The following CIROZ variants were observed in gnomAD, a reference collection of about 807,000 sequenced individuals.
CIROZ encodes ciliated left-right organizer protein containing ZP-N domains.
chr1:10,951,745 A>AAAAAAAAT, the CIROZ span, among the ~76,000 whole-genome samples: 108 of 119,168 alleles, frequency 9.1e-4, no homozygotes, highest in African/African-American at 3.4e-3. Context: ...AAAAAAAAAA[A>AAAAAAAAT]ATATATATAT....
At chr1:10,955,384 G>C in the CIROZ span, among the ~76,000 whole-genome samples, 6 of 151,934 alleles carry the variant, frequency 3.9e-5, no homozygotes, top group Non-Finnish European at 8.8e-5. Flanking sequence ...AAGAAGAGAA[G>C]AAAAAAAGAC....
chr1:10,947,885 T>G, the CIROZ span: 185 of 1,613,114 alleles, frequency 1.1e-4, no homozygotes, highest in Non-Finnish European at 8.5e-7. Flanking sequence ...TGGACGTGTG[T>G]GCAACCCCCC....
At chr1:10,948,033 ACTGCCAGGGGCG>A in the CIROZ span, 1 of 1,613,322 alleles carries the variant, frequency 6.2e-7, no homozygotes, top group South Asian at 1.1e-5. Context: ...CATAGGAAGA[ACTGCCAGGGGCG>A]CTGCCAGCCT....
chr1:10,948,696 G>C, the CIROZ span: 1 of 1,594,374 alleles, frequency 6.3e-7, no homozygotes, highest in Non-Finnish European at 8.6e-7. Flanking sequence ...GGGGAGCGTG[G>C]CTGGAGGTGT....
At chr1:10,951,567 G>A in the CIROZ span, among the ~76,000 whole-genome samples, 11,329 of 147,386 alleles carry the variant, frequency 0.077, 665 homozygotes, top group African/African-American at 0.17. Context: ...AAAAAAAAAA[G>A]TTTAAAAACT....
chr1:10,976,005 T>A, the CIROZ span: 1 of 640,494 alleles, frequency 1.6e-6, no homozygotes, highest in Non-Finnish European at 2.7e-6. Flanking sequence ...GTTGGGAGAA[T>A]GACAGCCTGA....
At chr1:10,949,598 G>T in the CIROZ span, 1 of 1,583,560 alleles carries the variant, frequency 6.3e-7, no homozygotes, top group South Asian at 1.2e-5. Flanking sequence ...GGAAACCATG[G>T]GCAGAGGATG....
chr1:10,965,906 GGCCTGT>G, the CIROZ span, among the ~76,000 whole-genome samples: 3 of 152,176 alleles, frequency 2.0e-5, no homozygotes, highest in African/African-American at 7.2e-5. Flanking sequence ...GCCCATAATG[GGCCTGT>G]GCAAGTGAGG....
At chr1:10,954,742 G>A in the CIROZ span, among the ~76,000 whole-genome samples, 1 of 152,150 alleles carries the variant, frequency 6.6e-6, no homozygotes, top group Non-Finnish European at 1.5e-5. Context: ...CTAAGATCAA[G>A]CAATTCTCCC....
chr1:10,956,978 G>T, the CIROZ span: 1 of 1,490,908 alleles, frequency 6.7e-7, no homozygotes, highest in South Asian at 1.2e-5. Context: ...ACCAGAATGT[G>T]ATGAAGTTGG....
At chr1:10,960,494 A>G in the CIROZ span, among the ~76,000 whole-genome samples, 43 of 152,312 alleles carry the variant, frequency 2.8e-4, no homozygotes, top group African/African-American at 8.2e-4. This position sits in a 1 kb window ranked among gnomAD's most constrained non-coding sequence, Gnocchi z 4.6. Context: ...GGAGGAGGCT[A>G]TATTTAGGGC....
the CIROZ span, among the ~76,000 whole-genome samples, chr1:10,950,665 G>A: frequency 6.6e-6 from 1 of 152,210 alleles, no homozygotes; most frequent in African/African-American, 2.4e-5. Flanking sequence ...CCTGAGTCAT[G>A]ACAACCAAAA....
chr1:10,972,636 G>A, the CIROZ span, among the ~76,000 whole-genome samples: 6 of 152,324 alleles, frequency 3.9e-5, no homozygotes, highest in South Asian at 1.0e-3. Flanking sequence ...CCTGGGGCGA[G>A]TCATTTAATC....
chr1:10,948,843 T>C, the CIROZ span: 2 of 1,483,052 alleles, frequency 1.3e-6, no homozygotes, highest in African/African-American at 1.4e-5. Context: ...TCCAAGCCCC[T>C]TCTTCACCAA....
At chr1:10,975,284 T>C in the CIROZ span, among the ~76,000 whole-genome samples, 1 of 151,928 alleles carries the variant, frequency 6.6e-6, no homozygotes, top group South Asian at 2.1e-4. Flanking sequence ...CTCATGCCTA[T>C]AATCCCAGCT....
At chr1:10,971,607 C>T in the CIROZ span, among the ~76,000 whole-genome samples, 1 of 152,214 alleles carries the variant, frequency 6.6e-6, no homozygotes, top group South Asian at 2.1e-4. Context: ...CACTGACCAC[C>T]CCCACCCATT....
the CIROZ span, among the ~76,000 whole-genome samples, chr1:10,965,508 G>A: frequency 1.3e-5 from 2 of 152,158 alleles, no homozygotes; most frequent in African/African-American, 4.8e-5. Flanking sequence ...AGGATGGCTT[G>A]AGCCTGGGAA....
the CIROZ span, chr1:10,948,860 A>G: frequency 6.8e-7 from 1 of 1,478,490 alleles, no homozygotes. Context: ...CCAAGAGAGA[A>G]GTGGAGAGAG....
the CIROZ span, among the ~76,000 whole-genome samples, chr1:10,980,139 G>A: frequency 6.6e-6 from 1 of 152,252 alleles, no homozygotes; most frequent in Non-Finnish European, 1.5e-5. Flanking sequence ...TGCCCTCGTT[G>A]AGCCATTCGA....
Sources: gnomAD v4.1 joint callset for allele counts (sites outside exome capture counted in the v4.1 genomes callset) on GRCh38, gnomAD v4.1.1 for gene constraint, Gnocchi (gnomAD v3.1) non-coding constraint, MANE v1.5 for transcripts, NCBI Gene and HGNC (gene_info 2026-07-23, HGNC 2026-07-21) for gene names.